Variants in CDKAL1 observed in about 807,000 individuals in gnomAD.
CDKAL1 encodes CDKAL1 threonylcarbamoyladenosine tRNA methylthiotransferase.
CDKAL1 carries 32 observed loss-of-function variants against 68.2 expected under a neutral mutation model. The ratio of observed to expected loss-of-function variants is 0.47; its 90% CI spans 0.35 to 0.63. The LOEUF (loss-of-function observed/expected upper bound fraction) is 0.63, where lower values mean the gene tolerates loss of function less well. Ranked by LOEUF, CDKAL1 falls within the 30% of genes least tolerant of loss-of-function variation. CDKAL1 has a pLI of 0.00. For missense variants in CDKAL1, 606 were observed against 696.7 expected (o/e 0.87, Z 1.47); for synonymous variants, 234 against 244.3 (o/e 0.96, Z 0.39).
chr6:20,877,932 CT>C (rs1378392314), intron 9 of CDKAL1, among the ~76,000 whole-genome samples: 1 of 152,182 alleles, frequency 6.6e-6, no homozygotes, highest in Non-Finnish European at 1.5e-5. Flanking sequence ...AATGCACTTA[CT>C]TATACTTTTC....
rs118065692 is a variant in CDKAL1, at chr6:21,196,270, C to G, written c.1300-1751C>G. 8.7e-4 allele frequency among the ~76,000 whole-genome samples: 133 copies of G among 152,334 alleles called. 4 individuals are homozygous for G. In the East Asian group the frequency reaches 0.023, roughly 27 times the overall value. ...CCATTGACAGATACTTATCCTAAGT[C>G]ATAAGCAACTCACACTGTGAAATGT... On this transcript the variant is annotated intron_variant, in intron 13 of 15. Coordinates refer to ENST00000274695, the MANE Select transcript of CDKAL1 (RefSeq NM_017774.3).
chr6:21,174,903 T>C (rs994133353), intron 13 of CDKAL1, among the ~76,000 whole-genome samples: 10 of 152,210 alleles, frequency 6.6e-5, no homozygotes, highest in African/African-American at 1.2e-4. Context: ...AGTGGTTAAA[T>C]AAATTATGGC....
intron 6 of CDKAL1, among the ~76,000 whole-genome samples, chr6:20,742,028 T>C (rs1321198399): frequency 6.6e-5 from 10 of 152,180 alleles, no homozygotes; most frequent in Non-Finnish European, 1.2e-4. Flanking sequence ...TAGTATCTCA[T>C]TGAGGTTTTG....
At chr6:21,160,599 ATT>A (rs57353051) in intron 13 of CDKAL1, among the ~76,000 whole-genome samples, 21 of 134,380 alleles carry the variant, frequency 1.6e-4, no homozygotes, top group Middle Eastern at 3.7e-3. Context: ...CCCAGCCAAG[ATT>A]TTTTTTTTTT....
At chr6:21,014,079 A>T (rs553194930) in intron 11 of CDKAL1, among the ~76,000 whole-genome samples, 23 of 151,922 alleles carry the variant, frequency 1.5e-4, no homozygotes, top group Admixed American at 4.6e-4. Flanking sequence ...AAAGAGTTAA[A>T]GAAGTGTGTG....
chr6:20,808,661 AC>A (rs1460821436), intron 8 of CDKAL1, among the ~76,000 whole-genome samples: 6 of 151,988 alleles, frequency 3.9e-5, no homozygotes, highest in Non-Finnish European at 8.8e-5. Flanking sequence ...GTTGAAACCA[AC>A]TGTTGAAAAT....
At chr6:21,114,974 A>G (rs1258356803) in intron 13 of CDKAL1, among the ~76,000 whole-genome samples, 2 of 152,178 alleles carry the variant, frequency 1.3e-5, no homozygotes, top group Admixed American at 6.5e-5. Flanking sequence ...AAAATATTAT[A>G]TAATAAAAAT....
intron 10 of CDKAL1, among the ~76,000 whole-genome samples, chr6:20,996,184 T>G (rs1273198163): frequency 2.6e-5 from 4 of 152,254 alleles, no homozygotes; most frequent in African/African-American, 7.2e-5. Flanking sequence ...GTGGCTGGTT[T>G]GATCATCTAT....
At chr6:21,091,367 A>G (rs1772996713) in intron 12 of CDKAL1, among the ~76,000 whole-genome samples, 1 of 152,232 alleles carries the variant, frequency 6.6e-6, no homozygotes, top group Admixed American at 6.5e-5. Flanking sequence ...CAAGTTATGA[A>G]CAAACTTGAT....
At chr6:20,983,148 G>T (rs1449315132) in intron 10 of CDKAL1, among the ~76,000 whole-genome samples, 6 of 152,154 alleles carry the variant, frequency 3.9e-5, no homozygotes, top group Non-Finnish European at 1.5e-5. Flanking sequence ...GAACAGGGAT[G>T]GAATATGTCT....
intron 9 of CDKAL1, 110 bp from the exon 10 acceptor site, chr6:20,955,309 A>T: frequency 9.1e-7 from 1 of 1,094,382 alleles, no homozygotes; most frequent in Admixed American, 2.1e-5. Flanking sequence ...GAATACCCAG[A>T]CTGCCTGAAT....
intron 9 of CDKAL1, among the ~76,000 whole-genome samples, chr6:20,877,717 C>T (rs1442865351): frequency 6.6e-6 from 1 of 152,182 alleles, no homozygotes. Flanking sequence ...TAAACTTGTG[C>T]ATTAGGGTAG....
chr6:20,649,892 G>A (rs962485320), intron 5 of CDKAL1, among the ~76,000 whole-genome samples: 1 of 152,126 alleles, frequency 6.6e-6, no homozygotes, highest in African/African-American at 2.4e-5. Context: ...TGCAAAGGAT[G>A]TGATCTCATT....
chr6:20,858,537 A>G (rs1392793476), intron 9 of CDKAL1, among the ~76,000 whole-genome samples: 1 of 152,216 alleles, frequency 6.6e-6, no homozygotes, highest in Non-Finnish European at 1.5e-5. Flanking sequence ...TTTTATAGAT[A>G]TATAGTAATA....
At chr6:21,154,976 C>T (rs1019123601) in intron 13 of CDKAL1, among the ~76,000 whole-genome samples, 40 of 149,238 alleles carry the variant, frequency 2.7e-4, no homozygotes, top group Middle Eastern at 3.4e-3. Flanking sequence ...GGCCACAGAG[C>T]GAGACTCCGT....
At chr6:20,972,764 G>A (rs1765657512) in intron 10 of CDKAL1, among the ~76,000 whole-genome samples, 2 of 152,194 alleles carry the variant, frequency 1.3e-5, no homozygotes, top group South Asian at 4.1e-4. Context: ...GGAGAACTGA[G>A]CATTGTTGAT....
intron 8 of CDKAL1, among the ~76,000 whole-genome samples, chr6:20,823,970 A>G (rs1777395332): frequency 6.6e-6 from 1 of 152,132 alleles, no homozygotes; most frequent in Admixed American, 6.6e-5. Context: ...CACAACCACC[A>G]CTGGTGGATG....
At chr6:21,161,769 T>C (rs539660545) in intron 13 of CDKAL1, among the ~76,000 whole-genome samples, 30 of 152,306 alleles carry the variant, frequency 2.0e-4, no homozygotes, top group Admixed American at 5.2e-4. Context: ...AGACATAATA[T>C]AACACATAAA....
intron 12 of CDKAL1, among the ~76,000 whole-genome samples, chr6:21,090,646 C>A (rs1772954379): frequency 6.6e-6 from 1 of 151,916 alleles, no homozygotes; most frequent in Non-Finnish European, 1.5e-5. Context: ...AGCCTTATCT[C>A]AAACTTTTTC....
Sources: gnomAD v4.1 joint callset for allele counts (sites outside exome capture counted in the v4.1 genomes callset) on GRCh38, gnomAD v4.1.1 for gene constraint, MANE v1.5 for transcripts, NCBI Gene and HGNC (gene_info 2026-07-23, HGNC 2026-07-21) for gene names.